VANGL2: variants seen among roughly 807,000 people sequenced by gnomAD.
VANGL2 encodes VANGL planar cell polarity protein 2, also known as vang-like protein 2.
VANGL2 carries 14 observed loss-of-function variants against 50.2 expected under a neutral mutation model. That is an observed-to-expected ratio of 0.28 (90% confidence interval 0.18 to 0.44). VANGL2 has a LOEUF of 0.44. VANGL2 is among the 20% of genes least tolerant of loss of function. The probability of loss-of-function intolerance (pLI) is 1.00; values close to 1 mark genes in which losing one functional copy is unlikely to be tolerated. For missense variants in VANGL2, 533 were observed against 701.5 expected (o/e 0.76, Z 2.71); for synonymous variants, 295 against 297.2 (o/e 0.99, Z 0.08).
rs775584715 is a variant in VANGL2 at position 160,419,639 on chromosome 1, G to A, written c.800+30G>A. ...TAGCCCACGGCTGGAGAAGGGTTGG[G>A]AGGGAAAGGGCATGGGAGGATGTGG... is the stretch of plus-strand genomic sequence containing the variant. On this transcript the variant is annotated intron_variant, in intron 4 of 7. Transcript: ENST00000368061. The surrounding 1 kb of genome is among the most constrained non-coding windows in gnomAD (Gnocchi z 5.8). The A allele has an allele frequency of 1.2e-5, 19 of 1,596,246 alleles. No individual in the cohort carries two copies. The highest frequency in any genetic ancestry group is 1.3e-5 in the Non-Finnish European group (15 of 1,179,192).
At chr1:160,401,209 G>T (rs943939662) in intron 1 of VANGL2, among the ~76,000 whole-genome samples, 3 of 152,182 alleles carry the variant, frequency 2.0e-5, no homozygotes, top group South Asian at 2.1e-4. Context: ...AGCCGGAGAC[G>T]GGGAGCTTGT....
Position 160,427,518 on chromosome 1 carries a change from C to T in VANGL2, c.*2140C>T, listed in dbSNP as rs1303057872. On this transcript the variant is annotated 3_prime_UTR_variant, in exon 8 of 8. Coordinates refer to ENST00000368061, the MANE Select transcript of VANGL2 (RefSeq NM_020335.3). ...TGCCTGAGAATGGTAGCATTTTGGT[C>T]TTTTGCTTCAGAACTGTGGTATCTT... The T allele has an allele frequency of 1.3e-5, 2 of 151,516 alleles. No homozygotes were observed. Among genetic ancestry groups the T allele is most frequent in the African/African-American group, 4.9e-5 (2 of 41,078 alleles). 9.4% of individuals were successfully genotyped at this position (151,516 alleles called of 1,614,324 possible). A position where few individuals can be genotyped will look rare whatever the true frequency, so the allele number is the denominator to read the frequency against.
rs1254946827 is a variant in VANGL2, at chr1:160,420,495, G to C, written c.885G>C (p.Lys295Asn). Reference sequence around the variant, plus strand: ...ACCCTGCCCTCCTCAACCTGCCCAAGTCCGTCCTGGCCAAGAAAGTGTCTG... The same window carrying C: ...ACCCTGCCCTCCTCAACCTGCCCAACTCCGTCCTGGCCAAGAAAGTGTCTG... The part of the protein sequence containing the change: ...VYNPALLNLP[K>N]SVLAKKVSGF... The change falls in exon 5 of 8, where the codon AAG becomes AAC. Residue 295 changes from lysine to asparagine, a missense_variant. Coordinates refer to ENST00000368061, the MANE Select transcript of VANGL2 (RefSeq NM_020335.3). 1 of 1,614,042 alleles carries C rather than the reference G, an allele frequency of 6.2e-7. No homozygotes were observed.
intron 6 of VANGL2, 69 bp downstream of exon 6, chr1:160,421,256 C>A: frequency 6.3e-7 from 1 of 1,586,648 alleles, no homozygotes; most frequent in Non-Finnish European, 8.6e-7. Context: ...GACCAAGGAA[C>A]TTCTGTAACT....
intron 1 of VANGL2, among the ~76,000 whole-genome samples, chr1:160,403,389 G>T (rs1188547926): frequency 1.3e-5 from 2 of 152,162 alleles, no homozygotes; most frequent in Non-Finnish European, 2.9e-5. Flanking sequence ...TCCAGATTGG[G>T]AGTCAGTGGC....
Position 160,419,433 on chromosome 1 carries a change from G to C in VANGL2, c.624G>C (p.Arg208=). ...ATGGTGTGCGCATCCTGGATGCTCG[G>C]GAGCGCAGCTACCAGGGCGTGGTGC... ...LFYGVRILDA[R]ERSYQGVVQF... Residue 208 remains arginine (R), a synonymous_variant, in exon 4 of 8, where the codon CGG becomes CGC. Transcript: ENST00000368061. This position sits in a 1 kb window ranked among gnomAD's most constrained non-coding sequence, Gnocchi z 5.8. The C allele has an allele frequency of 1.9e-6, 3 of 1,611,442 alleles. No individual in the cohort carries two copies. In the South Asian group the frequency reaches 3.3e-5, roughly 18 times the overall value.
At chr1:160,420,935 C>A in intron 5 of VANGL2, 117 bp from the exon 6 acceptor site, 1 of 1,469,738 alleles carries the variant, frequency 6.8e-7, no homozygotes, top group Non-Finnish European at 9.3e-7. Flanking sequence ...GGAGGTATTG[C>A]TGGGTGGTGG....
chr1:160,421,912 G>A (rs941330366), intron 6 of VANGL2, among the ~76,000 whole-genome samples: 1 of 152,158 alleles, frequency 6.6e-6, no homozygotes, highest in African/African-American at 2.4e-5. Flanking sequence ...AAAAAATGAC[G>A]TTTTATTGCC....
At chr1:160,418,937 T>G (rs1651156273) in intron 3 of VANGL2, 65 bp from the exon 4 acceptor site, 2 of 1,546,210 alleles carry the variant, frequency 1.3e-6, no homozygotes, top group African/African-American at 2.7e-5. Flanking sequence ...TTTCTCCTGT[T>G]TCCCTCCTCT....
chr1:160,415,279 G>C (rs6684307), intron 1 of VANGL2, among the ~76,000 whole-genome samples: 7,356 of 152,296 alleles, frequency 0.048, 434 homozygotes, highest in African/African-American at 0.14. Flanking sequence ...GATTCAGCCT[G>C]TTGGCCTGGC....
chr1:160,419,335 C>T lies in VANGL2; in HGVS notation c.526C>T (p.Pro176Ser). The T allele has an allele frequency of 2.5e-6, 4 of 1,610,538 alleles. No homozygotes were observed. In the South Asian group the frequency reaches 4.4e-5, roughly 18 times the overall value. The change falls in exon 4 of 8, where the codon CCC (proline) becomes TCC (serine). Residue 176 changes from proline to serine, a missense_variant. By Grantham distance (74) the Pro-to-Ser change is moderately conservative. Transcript: ENST00000368061. The surrounding 1 kb of genome is among the most constrained non-coding windows in gnomAD (Gnocchi z 5.8). ...LFFRRPKASLPRVFVLRALLM... is the reference protein window; with the variant it reads ...LFFRRPKASLSRVFVLRALLM... The stretch of plus-strand genomic sequence containing the variant: ...CTTCCGCCGGCCCAAGGCCTCGCTG[C>T]CCCGCGTCTTTGTGCTGCGTGCCCT...
intron 1 of VANGL2, among the ~76,000 whole-genome samples, chr1:160,405,526 A>G (rs2101945424): frequency 6.6e-6 from 1 of 152,248 alleles, no homozygotes; most frequent in East Asian, 1.9e-4. Context: ...GCCCCTGGCA[A>G]GATTGGTAAT....
Position 160,420,504 on chromosome 1 carries a change from G to A in VANGL2, c.894G>A (p.Leu298=), listed in dbSNP as rs751962053. The change falls in exon 5 of 8, where the codon CTG becomes CTA. Residue 298 remains leucine, a synonymous_variant. Coordinates refer to ENST00000368061, the MANE Select transcript of VANGL2 (RefSeq NM_020335.3). ...PALLNLPKSV[L]AKKVSGFKVY... ...TCCTCAACCTGCCCAAGTCCGTCCT[G>A]GCCAAGAAAGTGTCTGGCTTCAAGG... 5.0e-6 allele frequency: 8 copies of A among 1,613,976 alleles called. No individual in the cohort carries two copies. The highest frequency in any genetic ancestry group is 5.9e-6 in the Non-Finnish European group (7 of 1,180,016).
At chr1:160,409,683 C>T (rs1292860773) in intron 1 of VANGL2, among the ~76,000 whole-genome samples, 3 of 152,154 alleles carry the variant, frequency 2.0e-5, no homozygotes, top group Non-Finnish European at 2.9e-5. Flanking sequence ...CTCTGAAGTG[C>T]GACAGCTGTG....
intron 1 of VANGL2, among the ~76,000 whole-genome samples, chr1:160,401,294 T>C (rs1650452643): frequency 6.7e-6 from 1 of 150,374 alleles, no homozygotes; most frequent in Non-Finnish European, 1.5e-5. Flanking sequence ...TTGGGGTGCA[T>C]ACACCCCTCA....
rs1222658551 is a variant in VANGL2 at position 160,415,774 on chromosome 1, G to A, written c.-64G>A. On this transcript the variant is annotated 5_prime_UTR_variant, in exon 2 of 8. Coordinates refer to ENST00000368061, the MANE Select transcript of VANGL2 (RefSeq NM_020335.3). Reference sequence around the variant, plus strand: ...AGCCGGTGCTGAAGGAGGTGGCTGTGGGGCCCCCCAAGAGGCCCCAGCCTG... The same window carrying A: ...AGCCGGTGCTGAAGGAGGTGGCTGTAGGGCCCCCCAAGAGGCCCCAGCCTG... The A allele has an allele frequency of 5.1e-6, 8 of 1,575,486 alleles. No homozygotes were observed. Among genetic ancestry groups the A allele is most frequent in the Middle Eastern group, 1.9e-4 (1 of 5,288 alleles).
At chr1:160,423,305 G>A (rs1372913380) in intron 6 of VANGL2, among the ~76,000 whole-genome samples, 1 of 151,992 alleles carries the variant, frequency 6.6e-6, no homozygotes, top group African/African-American at 2.4e-5. Flanking sequence ...CTAGTTTGTT[G>A]CATCTTTTTG....
chr1:160,424,748 C>T (rs1347008992), intron 7 of VANGL2, among the ~76,000 whole-genome samples: 4 of 152,126 alleles, frequency 2.6e-5, no homozygotes, highest in Non-Finnish European at 5.9e-5. Flanking sequence ...CCTTTGGCTC[C>T]CTCCTGGTGC....
rs570363975 is a variant in VANGL2, at chr1:160,414,531, T to C, written c.-190-1117T>C. ...TTACTCCATGGGTGTCTCTCATAGTTTGCTGTTCTGCCCTTCCATCATGCC... is the reference window on the plus strand; with the variant it reads ...TTACTCCATGGGTGTCTCTCATAGTCTGCTGTTCTGCCCTTCCATCATGCC... On this transcript the variant is annotated intron_variant, in intron 1 of 7. Coordinates refer to ENST00000368061, the MANE Select transcript of VANGL2 (RefSeq NM_020335.3). Among the ~76,000 whole-genome samples the C allele has an allele frequency of 3.3e-4, 51 of 152,322 alleles. 2 individuals carry two copies. In the South Asian group the frequency reaches 0.01, roughly 30 times the overall value.
Sources: gnomAD v4.1 joint callset for allele counts (sites outside exome capture counted in the v4.1 genomes callset) on GRCh38, gnomAD v4.1.1 for gene constraint, Gnocchi (gnomAD v3.1) non-coding constraint, MANE v1.5 for transcripts, NCBI Gene and HGNC (gene_info 2026-07-23, HGNC 2026-07-21) for gene names.